RPS6KA3: variants seen among roughly 807,000 people sequenced by gnomAD.
RPS6KA3 encodes ribosomal protein S6 kinase alpha-3.
A neutral mutation model predicts 67.2 loss-of-function variants in RPS6KA3; 4 were observed. The ratio of observed to expected loss-of-function variants is 0.06; its 90% CI spans 0.03 to 0.14. RPS6KA3 has a LOEUF of 0.14. Ranked by LOEUF, RPS6KA3 falls within the 10% of genes least tolerant of loss-of-function variation. The pLI is 1.00. For missense variants in RPS6KA3, 204 were observed against 559.0 expected, an observed-to-expected ratio of 0.36 and a Z score of 6.40; for synonymous variants, 182 against 183.7, an observed-to-expected ratio of 0.99 and a Z score of 0.07.
At chrX:20,171,058 CG>C (rs2067560728) in intron 15 of RPS6KA3, among the ~76,000 whole-genome samples, 2 of 112,192 alleles carry the variant, frequency 1.8e-5, no homozygotes, top group Non-Finnish European at 3.8e-5. Flanking sequence ...GGATTACAAA[CG>C]TGAGACACTA....
chrX:20,229,855 C>T (rs1228447044), intron 2 of RPS6KA3, among the ~76,000 whole-genome samples: 2 of 111,765 alleles, frequency 1.8e-5, no homozygotes, highest in East Asian at 5.6e-4. Context: ...TATCTTAGTC[C>T]TGCATCTTTC....
At chrX:20,173,850 T>C (rs759728143) in intron 14 of RPS6KA3, among the ~76,000 whole-genome samples, 3 of 112,431 alleles carry the variant, frequency 2.7e-5, no homozygotes, top group South Asian at 3.7e-4. Context: ...ATCAAGCAAA[T>C]CCAAGTACAA....
chrX:20,164,386 GTTT>G (rs397977193), intron 18 of RPS6KA3, among the ~76,000 whole-genome samples: 2 of 84,610 alleles, frequency 2.4e-5, no homozygotes, highest in African/African-American at 4.3e-5. Context: ...CTGAAGGGTT[GTTT>G]TTTTTTTTTT....
intron 2 of RPS6KA3, among the ~76,000 whole-genome samples, chrX:20,214,455 T>C (rs750725756): frequency 2.6e-4 from 29 of 112,406 alleles, no homozygotes; most frequent in Non-Finnish European, 5.1e-4. Flanking sequence ...TTTGACACCA[T>C]AGATCCATTG....
intron 2 of RPS6KA3, among the ~76,000 whole-genome samples, chrX:20,215,440 A>C (rs1461752993): frequency 1.8e-5 from 2 of 111,622 alleles, no homozygotes; most frequent in Non-Finnish European, 3.8e-5. Context: ...AAGTTTCAAA[A>C]ACCTGCCACT....
intron 10 of RPS6KA3, among the ~76,000 whole-genome samples, chrX:20,177,680 C>T (rs1229646459): frequency 1.8e-5 from 2 of 112,387 alleles, no homozygotes; most frequent in African/African-American, 6.5e-5. Flanking sequence ...GTTATCATTT[C>T]TTCATAAGCA....
At chrX:20,192,575 A>G (rs927280062) in intron 7 of RPS6KA3, among the ~76,000 whole-genome samples, 7 of 105,477 alleles carry the variant, frequency 6.6e-5, no homozygotes, top group African/African-American at 1.1e-4. Flanking sequence ...GAAAGACTGG[A>G]AAAAAATGTA....
chrX:20,233,963 C>A (rs781395400), intron 2 of RPS6KA3, among the ~76,000 whole-genome samples: 25 of 111,929 alleles, frequency 2.2e-4, no homozygotes, highest in Admixed American at 1.9e-4. Context: ...TGGTAGGGAA[C>A]AATTTATTAA....
chrX:20,190,426 T>C (rs1333258629), intron 7 of RPS6KA3, among the ~76,000 whole-genome samples: 1 of 112,246 alleles, frequency 8.9e-6, no homozygotes, highest in Non-Finnish European at 1.9e-5. Flanking sequence ...GACATGTATG[T>C]TTAAGATCTT....
intron 7 of RPS6KA3, among the ~76,000 whole-genome samples, chrX:20,191,506 A>C (rs1168237495): frequency 9.0e-6 from 1 of 111,384 alleles, no homozygotes; most frequent in Non-Finnish European, 1.9e-5. Flanking sequence ...AAGCGGTACT[A>C]TTTCTCCACA....
chrX:20,203,451 T>C (rs12862288), intron 4 of RPS6KA3: 156 of 110,294 alleles, frequency 1.4e-3, no homozygotes, highest in Non-Finnish European at 2.6e-3. Context: ...TTAGTAGAGA[T>C]GGGGTTTCTC....
At chrX:20,157,501 C>CA (rs1197154800) in intron 20 of RPS6KA3, among the ~76,000 whole-genome samples, 16,328 of 49,671 alleles carry the variant, frequency 0.33, 1,825 homozygotes, top group Non-Finnish European at 0.36. Flanking sequence ...GACCCTGTCT[C>CA]AAAAAAAAAA....
intron 19 of RPS6KA3, 74 bp downstream of exon 19, chrX:20,162,890 A>G (rs1043233714): frequency 2.7e-6 from 2 of 748,255 alleles, no homozygotes; most frequent in Admixed American, 4.5e-5. Flanking sequence ...CAAACAAAAC[A>G]AAAACCTAGA....
Position 20,212,198 on chromosome X carries a change from T to TA in RPS6KA3, c.127-2795dup, listed in dbSNP as rs1213506553. Among the ~76,000 whole-genome samples the TA allele has an allele frequency of 3.6e-5, 4 of 111,604 alleles. No homozygotes were observed. In the East Asian group the frequency reaches 1.1e-3, roughly 31 times the overall value. Reference sequence around the variant, plus strand: ...TTTCATCTCATGTCAAATAAGTTACTAAAAAAATGCAGAGTCTGGCTGGAC... The same window carrying TA: ...TTTCATCTCATGTCAAATAAGTTACTAAAAAAAATGCAGAGTCTGGCTGGAC... On this transcript the variant is annotated intron_variant, in intron 2 of 21. Coordinates refer to ENST00000379565, the MANE Select transcript of RPS6KA3 (RefSeq NM_004586.3).
intron 1 of RPS6KA3, among the ~76,000 whole-genome samples, chrX:20,260,136 T>A (rs1476553435): frequency 1.8e-5 from 2 of 111,769 alleles, no homozygotes; most frequent in East Asian, 5.5e-4. Flanking sequence ...TCCTAAAATA[T>A]AAAAAGGTGT....
intron 1 of RPS6KA3, chrX:20,265,961 G>A (rs1246461874): frequency 9.0e-6 from 1 of 110,535 alleles, no homozygotes; most frequent in Non-Finnish European, 1.9e-5. Context: ...AGAAACGGAG[G>A]GGGTAGGGGA....
intron 20 of RPS6KA3, among the ~76,000 whole-genome samples, chrX:20,158,365 CAAAAAAAA>C (rs1209085517): frequency 3.5e-5 from 1 of 28,733 alleles, no homozygotes; most frequent in African/African-American, 1.5e-4. Context: ...GACTCTATCT[CAAAAAAAA>C]AAAAAAAAAA....
intron 10 of RPS6KA3, among the ~76,000 whole-genome samples, chrX:20,185,928 T>C (rs1262240883): frequency 8.9e-6 from 1 of 112,224 alleles, no homozygotes; most frequent in Non-Finnish European, 1.9e-5. Flanking sequence ...CATTTTTTAG[T>C]GTGAAACATT....
At chrX:20,256,172 CA>C (rs35947983) in intron 1 of RPS6KA3, among the ~76,000 whole-genome samples, 79 of 14,438 alleles carry the variant, frequency 5.5e-3, no homozygotes, top group South Asian at 0.02. Context: ...GACACCGTCT[CA>C]AAAAAAAAAA....
Sources: allele counts gnomAD v4.1 joint callset (sites outside exome capture counted in the v4.1 genomes callset), GRCh38; gene constraint gnomAD v4.1.1; transcripts MANE v1.5; gene names NCBI Gene and HGNC (gene_info 2026-07-23, HGNC 2026-07-21).